The following EML5 variants were observed in gnomAD, a reference collection of about 807,000 sequenced individuals.
EML5 encodes EMAP like 5.
A neutral mutation model predicts 250.0 loss-of-function variants in EML5; 120 were observed. The observed-to-expected ratio is 0.48, with a 90% CI of 0.41 to 0.56. The LOEUF (loss-of-function observed/expected upper bound fraction) is 0.56. EML5 is among the 20% of genes least tolerant of loss of function. The probability of loss-of-function intolerance (pLI) is 0.00; values close to 1 mark genes in which losing one functional copy is unlikely to be tolerated. For missense variants in EML5, 2,006 were observed against 2,437.6 expected, an observed-to-expected ratio of 0.82 and a Z score of 3.73; for synonymous variants, 771 against 806.5, an observed-to-expected ratio of 0.96 and a Z score of 0.75.
At chr14:88,643,629 G>GAA (rs1341441394) in intron 30 of EML5, among the ~76,000 whole-genome samples, 4 of 152,096 alleles carry the variant, frequency 2.6e-5, no homozygotes, top group Non-Finnish European at 5.9e-5. Context: ...TCCAAAAGAA[G>GAA]AAAATTTTAT....
intron 1 of EML5, among the ~76,000 whole-genome samples, chr14:88,755,910 G>A (rs1010407236): frequency 2.0e-5 from 3 of 152,282 alleles, no homozygotes; most frequent in Admixed American, 2.0e-4. Context: ...GAGGTGAGAA[G>A]ATCGCTTGAA....
At chr14:88,742,824 T>A (rs887203067) in intron 4 of EML5, among the ~76,000 whole-genome samples, 1 of 151,950 alleles carries the variant, frequency 6.6e-6, no homozygotes, top group African/African-American at 2.4e-5. Flanking sequence ...GAATAACAAA[T>A]CAAGAATTGC....
At chr14:88,694,703 T>C (rs1475601151) in intron 16 of EML5, among the ~76,000 whole-genome samples, 1 of 152,198 alleles carries the variant, frequency 6.6e-6, no homozygotes, top group East Asian at 1.9e-4. Flanking sequence ...TGGGTTAAAG[T>C]CAATTTTAAA....
intron 13 of EML5, among the ~76,000 whole-genome samples, chr14:88,703,171 A>C (rs2093249685): frequency 6.6e-6 from 1 of 152,250 alleles, no homozygotes; most frequent in Admixed American, 6.5e-5. Context: ...TAGTATGTAT[A>C]GTATACTACC....
intron 21 of EML5, among the ~76,000 whole-genome samples, chr14:88,666,258 C>T (rs2092304375): frequency 6.6e-6 from 1 of 152,130 alleles, no homozygotes; most frequent in African/African-American, 2.4e-5. Context: ...TGGAATTTCT[C>T]TCTTGTTGCC....
At position 88,738,777 on chromosome 14, in the gene EML5, AT is replaced by A. The variant is rs1367420620; in HGVS notation, c.847+101del. 6.0e-6 allele frequency: 8 copies of A among 1,341,996 alleles called. No individual in the cohort carries two copies. In the Admixed American group the frequency reaches 1.8e-4, roughly 30 times the overall value. 83.1% of individuals were successfully genotyped at this position (1,341,996 alleles called of 1,614,324 possible). On this transcript the variant is annotated intron_variant, in intron 6 of 43. Coordinates refer to ENST00000554922, the MANE Select transcript of EML5 (RefSeq NM_183387.3). ...GGGTGAAGAGGCAAATATAAGTCTT[AT>A]TTATATTTACAAAACTTACATTTAT...
intron 30 of EML5, among the ~76,000 whole-genome samples, chr14:88,644,089 T>C (rs1226435722): frequency 6.6e-6 from 1 of 152,196 alleles, no homozygotes; most frequent in Non-Finnish European, 1.5e-5. Context: ...TATAAGTACT[T>C]ACTCTTTAAT....
intron 4 of EML5, 111 bp from the exon 5 acceptor site, chr14:88,740,683 A>G: frequency 1.1e-6 from 1 of 930,840 alleles, no homozygotes. Context: ...ATTAACTAAG[A>G]AATTGCCTTA....
intron 15 of EML5, 45 bp from the exon 16 acceptor site, chr14:88,695,499 G>T (rs1423481994): frequency 5.3e-6 from 8 of 1,516,634 alleles, no homozygotes; most frequent in Non-Finnish European, 7.2e-6. Flanking sequence ...TTAACATTCA[G>T]AAGAGAGAAA....
At chr14:88,665,605 C>T (rs1595438932) in intron 21 of EML5, 116 bp from the exon 22 acceptor site, 3 of 1,372,868 alleles carry the variant, frequency 2.2e-6, no homozygotes, top group East Asian at 2.4e-5. Flanking sequence ...GGCAGGAGGA[C>T]TGCCCGCGGC....
At chr14:88,766,120 C>T (rs1425954978) in intron 1 of EML5, among the ~76,000 whole-genome samples, 1 of 152,134 alleles carries the variant, frequency 6.6e-6, no homozygotes. Context: ...TCGTCATCTT[C>T]GTAAGCTGAG....
At chr14:88,760,474 A>G (rs1437389161) in intron 1 of EML5, among the ~76,000 whole-genome samples, 1 of 141,490 alleles carries the variant, frequency 7.1e-6, no homozygotes. Flanking sequence ...GACCATATCT[A>G]TATTACTTTT....
intron 21 of EML5, among the ~76,000 whole-genome samples, chr14:88,667,386 A>T (rs188078599): frequency 6.6e-6 from 1 of 152,270 alleles, no homozygotes; most frequent in African/African-American, 2.4e-5. Context: ...ACCGTGACTA[A>T]ATTTGAGAAT....
rs1429085718 is a variant in EML5, at chr14:88,620,028, G to GGACA, written c.5375+722_5375+725dup. The GGACA allele has an allele frequency of 6.6e-6, 1 of 152,194 alleles. No homozygotes were observed. The highest frequency in any genetic ancestry group is 1.5e-5 in the Non-Finnish European group (1 of 68,044). 9.4% of individuals were successfully genotyped at this position (152,194 alleles called of 1,614,324 possible). ...GCCTAGCAATCTTTGGAGTCATATG[G>GGACA]GACAATTCAGTCTCTTGAAATGGCC... On this transcript the variant is annotated intron_variant, in intron 39 of 43. Coordinates refer to ENST00000554922, the MANE Select transcript of EML5 (RefSeq NM_183387.3). This position sits in a 1 kb window ranked among gnomAD's most constrained non-coding sequence, Gnocchi z 4.3.
In EML5 at chr14:88,661,921, G is replaced by C. The variant is rs1205538285; in HGVS notation, c.3499-91C>G. 2.7e-5 allele frequency: 31 copies of C among 1,130,486 alleles called. No homozygotes were observed. The Admixed American group carries it at 8.9e-4, about 33-fold the overall frequency. 70.0% of individuals were successfully genotyped at this position (1,130,486 alleles called of 1,614,324 possible). A position where few individuals can be genotyped will look rare whatever the true frequency, so the allele number is the denominator to read the frequency against. On this transcript the variant is annotated intron_variant, in intron 24 of 43. Coordinates refer to ENST00000554922, the MANE Select transcript of EML5 (RefSeq NM_183387.3). ...TAAACATTTTTCTTTGTAGTTATGTGTGTCACAAGTAAAATGAAAGTTTTA... is the reference window on the plus strand; with the variant it reads ...TAAACATTTTTCTTTGTAGTTATGTCTGTCACAAGTAAAATGAAAGTTTTA...
At chr14:88,666,440 G>C (rs2092308834) in intron 21 of EML5, among the ~76,000 whole-genome samples, 1 of 151,934 alleles carries the variant, frequency 6.6e-6, no homozygotes, top group African/African-American at 2.4e-5. Context: ...TGGTCAGGCT[G>C]GTCCTGAACT....
chr14:88,649,676 T>C (rs1396547415), intron 28 of EML5, among the ~76,000 whole-genome samples: 1 of 152,218 alleles, frequency 6.6e-6, no homozygotes, highest in Admixed American at 6.5e-5. Context: ...TGCATTGTAG[T>C]AGTTTGTACA....
intron 1 of EML5, among the ~76,000 whole-genome samples, chr14:88,756,693 C>T (rs34381823): frequency 0.17 from 26,212 of 151,766 alleles, 3,021 homozygotes; most frequent in African/African-American, 0.32. Flanking sequence ...ACACTAGCAA[C>T]GAACAATAAA....
At chr14:88,625,803 G>A (rs1420479113) in intron 35 of EML5, 2 of 152,338 alleles carry the variant, frequency 1.3e-5, no homozygotes, top group Non-Finnish European at 2.9e-5. Context: ...TCTCAAAAAT[G>A]TAAGTGTACT....
Sources: gnomAD v4.1 joint callset for allele counts (sites outside exome capture counted in the v4.1 genomes callset) on GRCh38, gnomAD v4.1.1 for gene constraint, Gnocchi (gnomAD v3.1) non-coding constraint, MANE v1.5 for transcripts, NCBI Gene and HGNC (gene_info 2026-07-23, HGNC 2026-07-21) for gene names.